The following EYS variants were observed in gnomAD, a reference collection of about 807,000 sequenced individuals.
EYS encodes protein eyes shut homolog.
EYS carries 250 observed loss-of-function variants against 282.1 expected under a neutral mutation model. The ratio of observed to expected loss-of-function variants is 0.89; its 90% confidence interval spans 0.80 to 0.98. EYS has a LOEUF of 0.98. Ranked by LOEUF, EYS falls within the 50% of genes least tolerant of loss-of-function variation. EYS has a pLI of 0.00. For missense variants in EYS, 4,016 were observed against 3,709.0 expected (o/e 1.08, Z -2.15); for synonymous variants, 1,355 against 1,282.9 (o/e 1.06, Z -1.20).
chr6:64,952,637 A>G (rs1769551398), intron 14 of EYS, among the ~76,000 whole-genome samples: 1 of 152,012 alleles, frequency 6.6e-6, no homozygotes, highest in Admixed American at 6.6e-5. Context: ...TCCACCTGCA[A>G]ATGTCAAAAC....
intron 36 of EYS, among the ~76,000 whole-genome samples, chr6:63,830,362 A>G (rs549357497): frequency 1.3e-5 from 2 of 152,276 alleles, no homozygotes; most frequent in East Asian, 3.9e-4. Context: ...AAACAGTGTA[A>G]AGAAGACCTT....
intron 2 of EYS, among the ~76,000 whole-genome samples, chr6:65,635,550 G>A (rs1470269611): frequency 6.6e-6 from 1 of 152,042 alleles, no homozygotes; most frequent in Non-Finnish European, 1.5e-5. Context: ...CTGGATTCAA[G>A]CAATCCTCCC....
intron 35 of EYS, among the ~76,000 whole-genome samples, chr6:63,900,397 TCAA>T (rs1393060688): frequency 6.6e-6 from 1 of 152,138 alleles, no homozygotes; most frequent in East Asian, 1.9e-4. Flanking sequence ...CCAAGAGAAA[TCAA>T]ATTACACTTA....
intron 34 of EYS, among the ~76,000 whole-genome samples, chr6:63,989,851 T>G (rs1767530961): frequency 6.6e-6 from 1 of 151,464 alleles, no homozygotes; most frequent in Non-Finnish European, 1.5e-5. Context: ...TATATATATA[T>G]GGCATATTGC....
At chr6:65,229,011 C>G (rs1011113168) in intron 12 of EYS, among the ~76,000 whole-genome samples, 2 of 151,782 alleles carry the variant, frequency 1.3e-5, no homozygotes, top group South Asian at 4.1e-4. Flanking sequence ...AAAATTAAGA[C>G]AAAATGGATT....
In EYS at chr6:65,418,920, C is replaced by G. The variant is rs892675960; in HGVS notation, c.863-13553G>C. ...CTCCAATTGTGGTTGGACAGTGAAG[C>G]CTCTCTACATCTAATTTTATTTTCA... is the stretch of plus-strand genomic sequence containing the variant. On this transcript the variant is annotated intron_variant, in intron 5 of 42. Coordinates refer to ENST00000503581, the MANE Select transcript of EYS (RefSeq NM_001142800.2). 4.6e-5 allele frequency among the ~76,000 whole-genome samples: 7 copies of G among 152,050 alleles called. 1 individual carries two copies. In the Admixed American group the frequency reaches 4.6e-4, roughly 10 times the overall value.
chr6:65,280,865 A>AAAT (rs1554178612), intron 12 of EYS, among the ~76,000 whole-genome samples: 6 of 135,936 alleles, frequency 4.4e-5, no homozygotes, highest in East Asian at 4.2e-4. Context: ...TAAAAAAAAA[A>AAAT]ATATATATAT....
intron 9 of EYS, among the ~76,000 whole-genome samples, chr6:65,345,275 T>C (rs1409993098): frequency 1.3e-5 from 2 of 151,722 alleles, no homozygotes; most frequent in South Asian, 2.1e-4. Context: ...ATGGATGAGA[T>C]TATCAGATCA....
chr6:64,834,451 A>G (rs1423017469), intron 19 of EYS, among the ~76,000 whole-genome samples: 1 of 151,832 alleles, frequency 6.6e-6, no homozygotes, highest in Non-Finnish European at 1.5e-5. Context: ...CTAATTCCAT[A>G]GTTTACTTAA....
intron 30 of EYS, among the ~76,000 whole-genome samples, chr6:64,272,970 A>G (rs1582517636): frequency 6.6e-6 from 1 of 152,088 alleles, no homozygotes; most frequent in Admixed American, 6.5e-5. Flanking sequence ...TATCTTATTC[A>G]TTCCCTTAAT....
intron 26 of EYS, among the ~76,000 whole-genome samples, chr6:64,552,386 CT>C (rs1450311201): frequency 6.6e-6 from 1 of 152,102 alleles, no homozygotes; most frequent in East Asian, 1.9e-4. Flanking sequence ...GTAGAGAATC[CT>C]TTTCCCTTTC....
chr6:64,562,399 G>A (rs1297606795), intron 26 of EYS, among the ~76,000 whole-genome samples: 2 of 151,676 alleles, frequency 1.3e-5, no homozygotes, highest in African/African-American at 4.8e-5. Flanking sequence ...GAAGCTTAGA[G>A]GAAAAATAAT....
intron 15 of EYS, among the ~76,000 whole-genome samples, chr6:64,925,971 G>T (rs1046144815): frequency 6.6e-6 from 1 of 152,152 alleles, no homozygotes. Flanking sequence ...GACCCAGGAT[G>T]GGGAATGAGA....
At chr6:64,551,212 A>G (rs982609798) in intron 26 of EYS, among the ~76,000 whole-genome samples, 1 of 149,696 alleles carries the variant, frequency 6.7e-6, no homozygotes, top group African/African-American at 2.4e-5. Context: ...ACATATATAT[A>G]TATACATATA....
chr6:65,647,740 T>G (rs1408079860), intron 1 of EYS, among the ~76,000 whole-genome samples: 1 of 152,106 alleles, frequency 6.6e-6, no homozygotes. Flanking sequence ...GACAACCCAG[T>G]AATTGGGGGT....
intron 12 of EYS, among the ~76,000 whole-genome samples, chr6:65,088,293 G>A (rs1774446369): frequency 6.6e-6 from 1 of 152,160 alleles, no homozygotes; most frequent in Non-Finnish European, 1.5e-5. Context: ...GAACAGTTTG[G>A]AGGGGTCAAA....
At chr6:64,156,862 GT>G (rs553416480) in intron 31 of EYS, among the ~76,000 whole-genome samples, 9 of 148,708 alleles carry the variant, frequency 6.1e-5, no homozygotes, top group East Asian at 2.0e-4. Flanking sequence ...AAGGCATTCA[GT>G]TTTTTTTTTA....
rs148618496 is a variant in EYS at position 65,259,300 on chromosome 6, A to G, written c.2023+36563T>C. Among the ~76,000 whole-genome samples the G allele has an allele frequency of 3.4e-4, 51 of 152,172 alleles. 1 individual carries two copies. Among genetic ancestry groups the G allele is most frequent in the African/African-American group, 1.2e-3 (49 of 41,550 alleles). On this transcript the variant is annotated intron_variant, in intron 12 of 42. Transcript: ENST00000503581. ...ACAAATGAAGTTGCAATAAACTGAA[A>G]CAGCTGGAAATACAGAGTGAGTCAT...
intron 31 of EYS, among the ~76,000 whole-genome samples, chr6:64,103,455 T>C (rs1216044159): frequency 2.0e-5 from 3 of 152,114 alleles, no homozygotes; most frequent in Non-Finnish European, 4.4e-5. Flanking sequence ...CAGCATATAA[T>C]TAGCTACTTA....
Sources: gnomAD v4.1 joint callset for allele counts (sites outside exome capture counted in the v4.1 genomes callset) on GRCh38, gnomAD v4.1.1 for gene constraint, MANE v1.5 for transcripts, NCBI Gene and HGNC (gene_info 2026-07-23, HGNC 2026-07-21) for gene names.